Variants in CLVS1 observed in about 807,000 individuals in gnomAD.
The protein encoded by CLVS1 is clavesin 1, also known as clavesin-1.
CLVS1 carries 10 observed loss-of-function variants against 33.1 expected under a neutral mutation model. The observed-to-expected ratio is 0.30, with a 90% CI of 0.19 to 0.51. The LOEUF (loss-of-function observed/expected upper bound fraction) is 0.51, where lower values mean the gene tolerates loss of function less well. CLVS1 is among the 20% of genes least tolerant of loss of function. The probability of loss-of-function intolerance (pLI) is 0.97; values close to 1 mark genes in which losing one functional copy is unlikely to be tolerated. For missense variants in CLVS1, 343 were observed against 433.4 expected, an observed-to-expected ratio of 0.79 and a Z score of 1.85; for synonymous variants, 163 against 166.1, an observed-to-expected ratio of 0.98 and a Z score of 0.14.
At position 61,171,599 on chromosome 8, in the gene CLVS1, T is replaced by G. The variant is rs1354744347; in HGVS notation, c.-152+39739T>G. ...TCGCTGACAGTAGCAGAGGGCAATA[T>G]AAAATGAAATAAGTCAACAGGATTT... On this transcript the variant is annotated intron_variant, in intron 2 of 2. Transcript: ENST00000522621. 5.9e-5 allele frequency among the ~76,000 whole-genome samples: 9 copies of G among 152,162 alleles called. 1 individual carries two copies. Among genetic ancestry groups the G allele is most frequent in the Admixed American group, 5.9e-4 (9 of 15,264 alleles).
chr8:60,985,187 G>A, the CLVS1 span, among the ~76,000 whole-genome samples: 2 of 152,196 alleles, frequency 1.3e-5, no homozygotes, highest in East Asian at 3.9e-4. Flanking sequence ...TCTGTCACGG[G>A]AGGAAATCTC....
At chr8:61,479,013 AT>A (rs1459045592) in intron 5 of CLVS1, among the ~76,000 whole-genome samples, 10 of 151,810 alleles carry the variant, frequency 6.6e-5, no homozygotes, top group Non-Finnish European at 1.5e-4. Context: ...TGCCCTTAAC[AT>A]TTTTTCCTTC....
chr8:60,968,919 AT>A, the CLVS1 span, among the ~76,000 whole-genome samples: 1 of 152,008 alleles, frequency 6.6e-6, no homozygotes, highest in South Asian at 2.1e-4. Flanking sequence ...ATAAAAAAAA[AT>A]AAAAGAAAAA....
intron 5 of CLVS1, among the ~76,000 whole-genome samples, chr8:61,490,590 G>A (rs1022244728): frequency 1.1e-4 from 17 of 149,964 alleles, no homozygotes; most frequent in African/African-American, 4.2e-4. Context: ...ATCCAGGGGC[G>A]GAGACTGCAG....
intron 1 of CLVS1, among the ~76,000 whole-genome samples, chr8:61,089,834 G>T (rs1805199057): frequency 6.6e-6 from 1 of 152,108 alleles, no homozygotes; most frequent in Non-Finnish European, 1.5e-5. Flanking sequence ...AGGCAGGAGG[G>T]TTGCTCGAGC....
chr8:61,376,730 C>G lies in CLVS1; in HGVS notation c.581C>G (p.Ala194Gly). 1 of 1,614,106 alleles carries G rather than the reference C, an allele frequency of 6.2e-7. No homozygotes were observed. Among genetic ancestry groups the G allele is most frequent in the South Asian group, 1.1e-5 (1 of 91,080 alleles). Reference sequence around the variant, plus strand: ...TGGAGTAATTTTTCCTTCAAACAAGCCTCCAAACTGACACCTTCAATCCTT... The same window carrying G: ...TGGAGTAATTTTTCCTTCAAACAAGGCTCCAAACTGACACCTTCAATCCTT... ...IDWSNFSFKQASKLTPSILKL... is the reference protein window; with the variant it reads ...IDWSNFSFKQGSKLTPSILKL... The change falls in exon 3 of 6, where the codon GCC becomes GGC. Residue 194 changes from alanine (A) to glycine (G), a missense_variant. Ala to Gly is a moderately conservative substitution (Grantham distance 60). This residue lies in a region of CLVS1 where 166 missense variants were observed against 244.0 expected (regional missense o/e 0.68). Transcript: ENST00000325897.
intron 1 of CLVS1, among the ~76,000 whole-genome samples, chr8:61,085,309 G>A (rs989898115): frequency 2.0e-5 from 3 of 152,028 alleles, no homozygotes; most frequent in African/African-American, 4.8e-5. Context: ...TTACTTTTCC[G>A]CTGTCCCAAA....
At chr8:60,997,570 G>A in the CLVS1 span, among the ~76,000 whole-genome samples, 1 of 152,106 alleles carries the variant, frequency 6.6e-6, no homozygotes, top group Non-Finnish European at 1.5e-5. Context: ...ATAGGGGGAG[G>A]GTGGCTGACC....
chr8:61,304,479 A>G (rs568825515), intron 2 of CLVS1, among the ~76,000 whole-genome samples: 1 of 152,334 alleles, frequency 6.6e-6, no homozygotes, highest in Middle Eastern at 3.4e-3. Context: ...ATCAGCTCGC[A>G]TGTATTTATA....
chr8:61,042,040 C>T, the CLVS1 span, among the ~76,000 whole-genome samples: 2 of 152,074 alleles, frequency 1.3e-5, no homozygotes, highest in Non-Finnish European at 2.9e-5. Flanking sequence ...TAACTTGGAC[C>T]TCCTCTGGTC....
At chr8:61,397,934 T>TA (rs1341952746) in intron 3 of CLVS1, among the ~76,000 whole-genome samples, 1 of 152,144 alleles carries the variant, frequency 6.6e-6, no homozygotes, top group African/African-American at 2.4e-5. Context: ...CAGAAAATGT[T>TA]AGTCACCCAG....
chr8:61,374,926 T>A (rs973958891), intron 2 of CLVS1, among the ~76,000 whole-genome samples: 2 of 152,172 alleles, frequency 1.3e-5, no homozygotes, highest in African/African-American at 4.8e-5. Flanking sequence ...AGAAGAACTA[T>A]ACAGAAACAG....
intron 1 of CLVS1, among the ~76,000 whole-genome samples, chr8:61,086,194 T>G (rs953209208): frequency 6.6e-6 from 1 of 151,128 alleles, no homozygotes; most frequent in Non-Finnish European, 1.5e-5. Context: ...GCTATTGCAC[T>G]CCAGCCTGGG....
chr8:61,191,564 A>C (rs991456190), intron 2 of CLVS1, among the ~76,000 whole-genome samples: 1 of 152,220 alleles, frequency 6.6e-6, no homozygotes, highest in Admixed American at 6.5e-5. Flanking sequence ...ATATTCAGTT[A>C]GGAAAAGAGG....
At chr8:61,013,769 A>G in the CLVS1 span, among the ~76,000 whole-genome samples, 3 of 152,308 alleles carry the variant, frequency 2.0e-5, no homozygotes, top group African/African-American at 7.2e-5. Flanking sequence ...CACAGGGGGA[A>G]AAAGTAAGAA....
At chr8:61,484,203 CA>C (rs891076088) in intron 5 of CLVS1, among the ~76,000 whole-genome samples, 2 of 152,236 alleles carry the variant, frequency 1.3e-5, no homozygotes, top group Non-Finnish European at 2.9e-5. Context: ...CCCATCATCT[CA>C]GCCCTAAATC....
At chr8:61,490,044 A>C (rs1399231820) in intron 5 of CLVS1, among the ~76,000 whole-genome samples, 1 of 152,212 alleles carries the variant, frequency 6.6e-6, no homozygotes. Context: ...GGCTGGGCAC[A>C]GTGGCTCACA....
At chr8:61,401,744 T>G (rs1173301541) in intron 3 of CLVS1, among the ~76,000 whole-genome samples, 1 of 152,134 alleles carries the variant, frequency 6.6e-6, no homozygotes, top group Non-Finnish European at 1.5e-5. Context: ...AGAACTCAAA[T>G]AGCCAACCAC....
At chr8:61,081,500 G>T (rs1023463107) in intron 1 of CLVS1, among the ~76,000 whole-genome samples, 13 of 152,300 alleles carry the variant, frequency 8.5e-5, no homozygotes, top group East Asian at 1.9e-4. Flanking sequence ...AGTTAGGGAG[G>T]ATTGCTGCAG....
Sources: gnomAD v4.1 joint callset for allele counts (sites outside exome capture counted in the v4.1 genomes callset) on GRCh38, gnomAD v4.1.1 for gene constraint, gnomAD v4.1.1 regional missense constraint, MANE v1.5 for transcripts, NCBI Gene and HGNC (gene_info 2026-07-23, HGNC 2026-07-21) for gene names.